Variants in TMEM116 observed in about 807,000 individuals in gnomAD.
TMEM116 encodes the protein transmembrane protein 116.
A neutral mutation model predicts 44.3 loss-of-function variants in TMEM116; 38 were observed. That is an observed-to-expected ratio of 0.86 (90% CI 0.66 to 1.12). The LOEUF (loss-of-function observed/expected upper bound fraction) is 1.12. Among genes scored for constraint, TMEM116 ranks in the 50% most tolerant of loss-of-function variants. The pLI is 0.00. For missense variants in TMEM116, 354 were observed against 401.7 expected (o/e 0.88, Z 1.01); for synonymous variants, 132 against 144.8 (o/e 0.91, Z 0.64).
intron 1 of TMEM116, among the ~76,000 whole-genome samples, chr12:112,006,866 A>G (rs2077608373): frequency 6.6e-6 from 1 of 152,230 alleles, no homozygotes; most frequent in Non-Finnish European, 1.5e-5. Context: ...TAACAAATTA[A>G]ATCACTTGCG....
At chr12:111,957,721 C>T (rs1486556543) in intron 4 of TMEM116, among the ~76,000 whole-genome samples, 1 of 152,102 alleles carries the variant, frequency 6.6e-6, no homozygotes, top group African/African-American at 2.4e-5. Flanking sequence ...CCTGGCAGCC[C>T]CGTCTGGGAA....
chr12:112,005,957 A>G, intron 1 of TMEM116: 1 of 985,908 alleles, frequency 1.0e-6, no homozygotes, highest in Non-Finnish European at 1.2e-6. Flanking sequence ...ACCAAGTCCC[A>G]ACTGTCCTCC....
At chr12:111,933,584 G>A (rs2071848842) in intron 9 of TMEM116, among the ~76,000 whole-genome samples, 1 of 150,692 alleles carries the variant, frequency 6.6e-6, no homozygotes, top group Non-Finnish European at 1.5e-5. Flanking sequence ...CACCTCCCAG[G>A]TTCACACCAT....
At position 112,013,143 on chromosome 12, in the gene TMEM116, T is replaced by A; in HGVS notation, c.-175A>T. The A allele has an allele frequency of 3.1e-6, 1 of 323,700 alleles. No homozygotes were observed. The highest frequency in any genetic ancestry group is 5.7e-6 in the Non-Finnish European group (1 of 175,518). The allele number at this position is 323,700 out of a possible 1,614,324, so 20.1% of individuals were successfully genotyped here. ...CCCCATGCGCACTTGGCGCTTCTCCTCAAGCGGAGCAGGAACGGAACTGGG... is the reference window on the plus strand; with the variant it reads ...CCCCATGCGCACTTGGCGCTTCTCCACAAGCGGAGCAGGAACGGAACTGGG... On this transcript the variant is annotated 5_prime_UTR_variant, in exon 1 of 11. Coordinates refer to ENST00000552374, the MANE Select transcript of TMEM116 (RefSeq NM_001193531.2).
chr12:111,971,208 CA>C (rs1163660295), intron 4 of TMEM116, among the ~76,000 whole-genome samples: 1 of 151,902 alleles, frequency 6.6e-6, no homozygotes. Context: ...GGGATCTACA[CA>C]AAAAAATGAA....
At chr12:111,962,939 G>C (rs538712817) in intron 4 of TMEM116, among the ~76,000 whole-genome samples, 1 of 151,818 alleles carries the variant, frequency 6.6e-6, no homozygotes, top group African/African-American at 2.4e-5. Context: ...TAATATCCAC[G>C]ATCTACAAAG....
rs757746037 is a variant in TMEM116 at position 112,007,286 on chromosome 12, C to T, written c.-33-1983G>A. Among the ~76,000 whole-genome samples, 10 of 152,086 alleles carry T rather than the reference C, an allele frequency of 6.6e-5. 1 individual carries two copies. Among genetic ancestry groups the T allele is most frequent in the African/African-American group, 2.4e-5 (1 of 41,416 alleles). On this transcript the variant is annotated intron_variant, in intron 1 of 10. Coordinates refer to ENST00000552374, the MANE Select transcript of TMEM116 (RefSeq NM_001193531.2). ...AATATAAGCCAGGCGGGGTGGCATGCGCCTGTAATCCCAGCTACTCGGGAG... is the reference window on the plus strand; with the variant it reads ...AATATAAGCCAGGCGGGGTGGCATGTGCCTGTAATCCCAGCTACTCGGGAG...
chr12:111,953,171 CCA>C (rs2073855596), intron 4 of TMEM116, among the ~76,000 whole-genome samples: 1 of 152,104 alleles, frequency 6.6e-6, no homozygotes, highest in African/African-American at 2.4e-5. Context: ...ACAATAGACT[CCA>C]CCTGGTAGAC....
At chr12:112,007,322 G>C (rs923683587) in intron 1 of TMEM116, among the ~76,000 whole-genome samples, 9 of 152,210 alleles carry the variant, frequency 5.9e-5, no homozygotes, top group Non-Finnish European at 1.2e-4. Flanking sequence ...GCTGATGCAT[G>C]AGAATCACTT....
intron 5 of TMEM116, 62 bp from the exon 6 acceptor site, chr12:111,938,272 C>A: frequency 7.9e-7 from 1 of 1,264,320 alleles, no homozygotes; most frequent in South Asian, 1.5e-5. Context: ...ATAATAAATA[C>A]CAGATCATCA....
rs572588977 is a variant in TMEM116 at position 111,958,255 on chromosome 12, C to T, written c.211-14886G>A. 7.8e-5 allele frequency among the ~76,000 whole-genome samples: 10 copies of T among 128,074 alleles called. No homozygotes were observed. The South Asian group carries it at 2.1e-3, about 27-fold the overall frequency. The allele number at this position is 128,074 out of a possible 152,430, so 84.0% of individuals were successfully genotyped here. Reference sequence around the variant, plus strand: ...GCCAAATCCCCCTCTCCGAGAAACACCCACGAATGATCAATAAATACTAAA... The same window carrying T: ...GCCAAATCCCCCTCTCCGAGAAACATCCACGAATGATCAATAAATACTAAA... On this transcript the variant is annotated intron_variant, in intron 4 of 10. Transcript: ENST00000552374.
At chr12:111,993,447 G>A in intron 3 of TMEM116, 1 of 562,646 alleles carries the variant, frequency 1.8e-6, no homozygotes, top group Non-Finnish European at 3.6e-6. Context: ...CATACTCCCA[G>A]AGCATGTTAT....
chr12:111,987,973 T>C (rs979552797), intron 4 of TMEM116, among the ~76,000 whole-genome samples: 1 of 152,130 alleles, frequency 6.6e-6, no homozygotes, highest in Non-Finnish European at 1.5e-5. Context: ...ATCCATACAA[T>C]ACAATGGAAT....
intron 1 of TMEM116, among the ~76,000 whole-genome samples, chr12:112,008,118 C>G (rs1233129959): frequency 6.6e-6 from 1 of 152,188 alleles, no homozygotes; most frequent in South Asian, 2.1e-4. Flanking sequence ...GAGGTCCAGG[C>G]TGCAGTGAGC....
At chr12:111,956,456 C>G (rs7295722) in intron 4 of TMEM116, among the ~76,000 whole-genome samples, 2 of 151,904 alleles carry the variant, frequency 1.3e-5, no homozygotes, top group African/African-American at 2.4e-5. Context: ...CTCTAAGAAC[C>G]AACAAACAGA....
chr12:111,936,916 C>G, intron 7 of TMEM116, 86 bp from the exon 8 acceptor site: 1 of 1,429,250 alleles, frequency 7.0e-7, no homozygotes, highest in Non-Finnish European at 9.5e-7. Flanking sequence ...TGTTATTTTA[C>G]TTATCATTTT....
At chr12:111,973,280 A>C (rs2075471951) in intron 4 of TMEM116, among the ~76,000 whole-genome samples, 1 of 152,272 alleles carries the variant, frequency 6.6e-6, no homozygotes, top group African/African-American at 2.4e-5. Context: ...TACACTTCTA[A>C]ATAACTAAAC....
chr12:111,999,580 C>T (rs2077132048), intron 3 of TMEM116, among the ~76,000 whole-genome samples: 1 of 151,398 alleles, frequency 6.6e-6, no homozygotes, highest in African/African-American at 2.4e-5. Context: ...GCTTGGGCTA[C>T]AGAGCGAGAC....
chr12:111,978,263 T>C (rs1340180976), intron 4 of TMEM116, among the ~76,000 whole-genome samples: 3 of 151,982 alleles, frequency 2.0e-5, no homozygotes, highest in Non-Finnish European at 2.9e-5. Context: ...TAGCCAGGCA[T>C]GGTGGTGCAT....
Sources: gnomAD v4.1 joint callset for allele counts (sites outside exome capture counted in the v4.1 genomes callset) on GRCh38, gnomAD v4.1.1 for gene constraint, MANE v1.5 for transcripts, NCBI Gene and HGNC (gene_info 2026-07-23, HGNC 2026-07-21) for gene names.